BMP6: variants seen among roughly 807,000 people sequenced by gnomAD.
BMP6 encodes VG-1-R.
A neutral mutation model predicts 54.1 loss-of-function variants in BMP6; 17 were observed. That is an observed-to-expected ratio of 0.31 (90% confidence interval 0.22 to 0.47). The LOEUF (loss-of-function observed/expected upper bound fraction) is 0.47. Among genes scored for constraint, BMP6 ranks in the 20% least tolerant of loss-of-function variants. The probability of loss-of-function intolerance (pLI) is 1.00; values close to 1 mark genes in which losing one functional copy is unlikely to be tolerated. For synonymous variants in BMP6, 328 were observed against 291.2 expected (o/e 1.13, Z -1.28); for missense variants, 720 against 690.4 (o/e 1.04, Z -0.48).
Position 7,870,939 on chromosome 6 carries a change from C to A in BMP6, c.1205-8135C>A, listed in dbSNP as rs1187708877. 3.3e-5 allele frequency among the ~76,000 whole-genome samples: 5 copies of A among 152,312 alleles called. No individual in the cohort carries two copies. In the East Asian group the frequency reaches 9.7e-4, roughly 29 times the overall value. ...CCACCGCGCCCGGCCTGTCTTGGAT[C>A]TTTAGAGTTCATCTCCATCCCCGAA... On this transcript the variant is annotated intron_variant, in intron 4 of 6. Transcript: ENST00000283147.
At chr6:7,821,959 A>G (rs941709183) in intron 1 of BMP6, among the ~76,000 whole-genome samples, 1 of 152,152 alleles carries the variant, frequency 6.6e-6, no homozygotes, top group Non-Finnish European at 1.5e-5. Flanking sequence ...AATTTTAACT[A>G]TCCACATTCC....
At chr6:7,869,115 G>A (rs1307658627) in intron 4 of BMP6, among the ~76,000 whole-genome samples, 1 of 152,204 alleles carries the variant, frequency 6.6e-6, no homozygotes, top group South Asian at 2.1e-4. Flanking sequence ...CCCTAGCCCC[G>A]TCATACTCAC....
intron 1 of BMP6, among the ~76,000 whole-genome samples, chr6:7,746,167 A>G (rs1432195708): frequency 1.3e-5 from 2 of 152,170 alleles, no homozygotes; most frequent in Non-Finnish European, 2.9e-5. Context: ...GAGAGGTCCG[A>G]GGTGCCTGAA....
chr6:7,785,160 A>G (rs1352989895), intron 1 of BMP6, among the ~76,000 whole-genome samples: 3 of 152,224 alleles, frequency 2.0e-5, no homozygotes, highest in African/African-American at 7.2e-5. Flanking sequence ...CGCTTTTAGC[A>G]TTTTATAAAA....
chr6:7,781,338 A>G (rs1262368708), intron 1 of BMP6, among the ~76,000 whole-genome samples: 1 of 143,004 alleles, frequency 7.0e-6, no homozygotes, highest in Non-Finnish European at 1.6e-5. Flanking sequence ...GTTCATACGT[A>G]CCATGCCACT....
chr6:7,861,317 A>C (rs2113276495), intron 2 of BMP6, 134 bp from the exon 3 acceptor site: 2 of 1,171,708 alleles, frequency 1.7e-6, no homozygotes, highest in Non-Finnish European at 2.4e-6. Context: ...GGCTATGGCA[A>C]GTCACTGTGC....
chr6:7,801,328 A>G (rs1758267400), intron 1 of BMP6, among the ~76,000 whole-genome samples: 1 of 152,194 alleles, frequency 6.6e-6, no homozygotes, highest in Non-Finnish European at 1.5e-5. Flanking sequence ...CCAGTGCTTC[A>G]TCGCTGAGCG....
chr6:7,870,541 C>A (rs1230821924), intron 4 of BMP6, among the ~76,000 whole-genome samples: 1 of 152,224 alleles, frequency 6.6e-6, no homozygotes, highest in African/African-American at 2.4e-5. Context: ...CTGCCACCTT[C>A]TTTTCCACTA....
rs79564442 is a variant in BMP6, at chr6:7,814,277, C to T, written c.665-30863C>T. Among the ~76,000 whole-genome samples, 1,406 of 152,292 alleles carry T rather than the reference C, an allele frequency of 9.2e-3. 27 individuals carry two copies. The highest frequency in any genetic ancestry group is 0.033 in the African/African-American group (1,360 of 41,548). The stretch of plus-strand genomic sequence containing the variant: ...AATTATATCTGCAGAATCCCTATTG[C>T]CACGTAACTTAATCAGGACATGACA... On this transcript the variant is annotated intron_variant, in intron 1 of 6. Transcript: ENST00000283147.
intron 2 of BMP6, among the ~76,000 whole-genome samples, chr6:7,854,809 A>G (rs540734205): frequency 1.5e-4 from 22 of 151,058 alleles, no homozygotes; most frequent in Admixed American, 3.3e-4. Flanking sequence ...TAAACAGACA[A>G]ACTAACTAAA....
rs1289397106 is a variant in BMP6, at chr6:7,881,171, G to A, written c.*828G>A. ...TACCTTTTCAGTAAAGTGGTTCTCT[G>A]CCTTTTTACTATACAGCATACCACG... On this transcript the variant is annotated 3_prime_UTR_variant, in exon 7 of 7. Transcript: ENST00000283147. The A allele has an allele frequency of 6.6e-6, 1 of 152,398 alleles. No individual in the cohort carries two copies. The highest frequency in any genetic ancestry group is 1.9e-4 in the East Asian group (1 of 5,188). The allele number at this position is 152,398 out of a possible 1,614,324, so 9.4% of individuals were successfully genotyped here. A position where few individuals can be genotyped will look rare whatever the true frequency, so the allele number is the denominator to read the frequency against.
intron 1 of BMP6, among the ~76,000 whole-genome samples, chr6:7,785,524 A>G (rs948053330): frequency 1.3e-5 from 2 of 152,340 alleles, no homozygotes; most frequent in East Asian, 3.9e-4. Context: ...TCACTGACAT[A>G]GTAGGAGAAG....
At chr6:7,810,915 T>G (rs2208674) in intron 1 of BMP6, among the ~76,000 whole-genome samples, 116,297 of 151,996 alleles carry the variant, frequency 0.77, 44,809 homozygotes, top group East Asian at 0.99. Flanking sequence ...GTGGAGTCAG[T>G]TGGGGCTGTG....
intron 1 of BMP6, among the ~76,000 whole-genome samples, chr6:7,736,856 C>G (rs761372137): frequency 5.3e-5 from 8 of 152,136 alleles, no homozygotes; most frequent in Admixed American, 2.0e-4. Flanking sequence ...CGTTATCTCC[C>G]ACCCTATTCT....
chr6:7,745,633 G>C (rs553841382), intron 1 of BMP6, among the ~76,000 whole-genome samples: 1 of 152,300 alleles, frequency 6.6e-6, no homozygotes, highest in Admixed American at 6.5e-5. Flanking sequence ...GAGTTAATTT[G>C]GTTGTCCAGT....
At chr6:7,833,597 G>A (rs1473811147) in intron 1 of BMP6, among the ~76,000 whole-genome samples, 1 of 152,154 alleles carries the variant, frequency 6.6e-6, no homozygotes, top group Non-Finnish European at 1.5e-5. Flanking sequence ...AACTATGATA[G>A]GTGAGATCAT....
chr6:7,729,527 G>C (rs1761814295), intron 1 of BMP6, among the ~76,000 whole-genome samples: 1 of 152,152 alleles, frequency 6.6e-6, no homozygotes, highest in South Asian at 2.1e-4. Context: ...TATCACCCGG[G>C]GGACTTAGAG....
At chr6:7,874,969 C>G (rs909619783) in intron 4 of BMP6, among the ~76,000 whole-genome samples, 1 of 152,070 alleles carries the variant, frequency 6.6e-6, no homozygotes, top group Non-Finnish European at 1.5e-5. Context: ...TGGGAATTGA[C>G]TCAGGCAATT....
At chr6:7,848,748 C>G (rs973661391) in intron 2 of BMP6, among the ~76,000 whole-genome samples, 1 of 152,098 alleles carries the variant, frequency 6.6e-6, no homozygotes, top group Non-Finnish European at 1.5e-5. Context: ...ACACATGATG[C>G]CTTTGCGCTT....
Sources: gnomAD v4.1 joint callset for allele counts (sites outside exome capture counted in the v4.1 genomes callset) on GRCh38, gnomAD v4.1.1 for gene constraint, MANE v1.5 for transcripts, NCBI Gene and HGNC (gene_info 2026-07-23, HGNC 2026-07-21) for gene names.